Variants in FILIP1L observed in about 807,000 individuals in gnomAD.
The protein encoded by FILIP1L is filamin A-interacting protein 1-like.
In FILIP1L, 55 loss-of-function variants were observed where a neutral mutation model predicts 96.6. The observed-to-expected ratio is 0.57, with a 90% CI of 0.46 to 0.71. The LOEUF (loss-of-function observed/expected upper bound fraction) is 0.71. Among genes scored for constraint, FILIP1L ranks in the 30% least tolerant of loss-of-function variants. The pLI is 0.00. For missense variants in FILIP1L, 1,304 were observed against 1,321.2 expected (o/e 0.99, Z 0.20); for synonymous variants, 467 against 473.9 (o/e 0.99, Z 0.19).
chr3:100,062,093 CTTTTTTTTTTTTTTTTTTTTT>C (rs71907944), intron 1 of FILIP1L, among the ~76,000 whole-genome samples: 4 of 53,152 alleles, frequency 7.5e-5, no homozygotes, highest in Non-Finnish European at 1.0e-4. Flanking sequence ...CTGTCTTCTT[CTTTTTTTTTTTTTTTTTTTTT>C]TTTTTTTTTT....
chr3:100,053,886 A>G (rs2065417442), intron 1 of FILIP1L, among the ~76,000 whole-genome samples: 1 of 152,208 alleles, frequency 6.6e-6, no homozygotes, highest in Non-Finnish European at 1.5e-5. Context: ...CATTATTCAT[A>G]TGCAGCTTCC....
At chr3:99,876,351 C>A (rs537191766) in intron 4 of FILIP1L, 1 of 397,384 alleles carries the variant, frequency 2.5e-6, no homozygotes, top group South Asian at 1.0e-4. Context: ...GTGAACGGAC[C>A]GTGGTTCCCG....
Position 100,022,855 on chromosome 3 carries a change from A to G in FILIP1L, c.-11+91198T>C, listed in dbSNP as rs146904354. ...TGAGGTCCTACACTAGAGTCAGAAT[A>G]TTCAAAGTTTTGGACTGAGGTTTCA... On this transcript the variant is annotated intron_variant, in intron 1 of 5. Coordinates refer to ENST00000477258, the MANE Select transcript of FILIP1L (RefSeq NM_001387850.1). Among the ~76,000 whole-genome samples, 364 of 152,316 alleles carry G rather than the reference A, an allele frequency of 2.4e-3. 1 individual carries two copies. Among genetic ancestry groups the G allele is most frequent in the Non-Finnish European group, 3.9e-3 (264 of 68,028 alleles).
intron 1 of FILIP1L, among the ~76,000 whole-genome samples, chr3:100,014,823 T>G (rs1237692150): frequency 1.4e-5 from 2 of 148,000 alleles, no homozygotes; most frequent in East Asian, 4.0e-4. Context: ...TTTTTTTTTT[T>G]GCTGTGTCAA....
intron 4 of FILIP1L, among the ~76,000 whole-genome samples, chr3:99,907,516 G>T (rs1455578432): frequency 2.0e-5 from 3 of 152,108 alleles, no homozygotes; most frequent in Admixed American, 6.5e-5. Flanking sequence ...CAAAGTGCTG[G>T]GATTACAGAC....
chr3:99,937,736 T>C (rs1707724083), intron 1 of FILIP1L, among the ~76,000 whole-genome samples: 1 of 152,164 alleles, frequency 6.6e-6, no homozygotes, highest in African/African-American at 2.4e-5. Flanking sequence ...TGGCTCTGAA[T>C]AGGAGCTGCC....
intron 4 of FILIP1L, among the ~76,000 whole-genome samples, chr3:99,863,576 A>G (rs1314674336): frequency 6.6e-6 from 1 of 152,228 alleles, no homozygotes; most frequent in African/African-American, 2.4e-5. Context: ...TGTCTGAGAA[A>G]TAGGTCATTT....
chr3:99,846,951 T>C (rs1018295085), intron 5 of FILIP1L, among the ~76,000 whole-genome samples: 1 of 152,218 alleles, frequency 6.6e-6, no homozygotes, highest in African/African-American at 2.4e-5. Context: ...ACTTGTAATT[T>C]AAATGTTCCC....
At chr3:100,012,549 A>C (rs1710188518) in intron 1 of FILIP1L, among the ~76,000 whole-genome samples, 1 of 151,938 alleles carries the variant, frequency 6.6e-6, no homozygotes, top group Admixed American at 6.6e-5. Context: ...AATTTTCTCT[A>C]ACATTGGGAA....
intron 4 of FILIP1L, among the ~76,000 whole-genome samples, chr3:99,881,500 G>C (rs1248515737): frequency 6.6e-6 from 1 of 151,660 alleles, no homozygotes; most frequent in Non-Finnish European, 1.5e-5. Context: ...TTTTTAAAGG[G>C]ACCTTGTCAT....
chr3:99,977,257 C>G (rs2107727041), intron 1 of FILIP1L, among the ~76,000 whole-genome samples: 1 of 152,020 alleles, frequency 6.6e-6, no homozygotes, highest in African/African-American at 2.4e-5. Flanking sequence ...ATGCCTCATC[C>G]CAGGAGCAGT....
chr3:99,919,103 A>G (rs1707045437), intron 4 of FILIP1L, among the ~76,000 whole-genome samples: 1 of 152,140 alleles, frequency 6.6e-6, no homozygotes, highest in Non-Finnish European at 1.5e-5. Flanking sequence ...ATTGCTTTGT[A>G]GGATACCCTT....
intron 5 of FILIP1L, among the ~76,000 whole-genome samples, chr3:99,837,516 A>G (rs1942951275): frequency 6.6e-6 from 1 of 152,042 alleles, no homozygotes; most frequent in Non-Finnish European, 1.5e-5. Flanking sequence ...AGTTGTTTGA[A>G]GAGTGTCTGT....
chr3:100,043,141 A>G (rs1436908438), intron 1 of FILIP1L, among the ~76,000 whole-genome samples: 5 of 152,210 alleles, frequency 3.3e-5, no homozygotes, highest in Non-Finnish European at 7.3e-5. Context: ...TCTCAAATTG[A>G]CAAGAAGTAC....
intron 1 of FILIP1L, among the ~76,000 whole-genome samples, chr3:99,939,399 A>G (rs763848277): frequency 5.3e-5 from 8 of 152,190 alleles, no homozygotes; most frequent in Non-Finnish European, 1.0e-4. Context: ...AAAGGACTCT[A>G]TTCTTCTTTA....
chr3:99,935,786 C>T (rs1707646050), intron 1 of FILIP1L, among the ~76,000 whole-genome samples: 1 of 152,150 alleles, frequency 6.6e-6, no homozygotes, highest in African/African-American at 2.4e-5. Context: ...CTTTGTTTTC[C>T]TATGTAGTTC....
rs1942591868 is a variant in FILIP1L at position 99,828,966 on chromosome 3, C to T, written c.*1448G>A. On this transcript the variant is annotated 3_prime_UTR_variant, in exon 6 of 6. Coordinates refer to ENST00000477258, the MANE Select transcript of FILIP1L (RefSeq NM_001387850.1). ...CATCCCTCTCAATGCTGCCCATCAT[C>T]CCTTTCAATGCTGCCCAGGCCTCTA... 1.3e-5 allele frequency among the ~76,000 whole-genome samples: 2 copies of T among 152,028 alleles called. No individual in the cohort carries two copies. Among genetic ancestry groups the T allele is most frequent in the South Asian group, 4.1e-4 (2 of 4,820 alleles).
chr3:99,893,650 G>T (rs1706162943), intron 4 of FILIP1L, among the ~76,000 whole-genome samples: 1 of 152,086 alleles, frequency 6.6e-6, no homozygotes, highest in Non-Finnish European at 1.5e-5. Context: ...AAAGCAGATA[G>T]CTAATTCCTT....
chr3:100,088,505 TA>T (rs1368337425), intron 1 of FILIP1L, among the ~76,000 whole-genome samples: 1 of 152,256 alleles, frequency 6.6e-6, no homozygotes, highest in African/African-American at 2.4e-5. Context: ...AAAATCTTTA[TA>T]TTTGTAGGAA....
Sources: gnomAD v4.1 joint callset for allele counts (sites outside exome capture counted in the v4.1 genomes callset) on GRCh38, gnomAD v4.1.1 for gene constraint, MANE v1.5 for transcripts, NCBI Gene and HGNC (gene_info 2026-07-23, HGNC 2026-07-21) for gene names.